Variants in RCCD1 observed in about 807,000 individuals in gnomAD.
RCCD1 encodes the protein RCC1 domain containing 1.
In RCCD1, 40 loss-of-function variants were observed where a neutral mutation model predicts 37.6. The observed-to-expected ratio is 1.06, with a 90% CI of 0.83 to 1.39. The LOEUF (loss-of-function observed/expected upper bound fraction) is 1.39. Among genes scored for constraint, RCCD1 ranks in the 40% most tolerant of loss-of-function variants. The pLI, the probability that RCCD1 is intolerant of heterozygous loss-of-function variation, is 0.00. For missense variants in RCCD1, 577 were observed against 517.3 expected, an observed-to-expected ratio of 1.12 and a Z score of -1.12; for synonymous variants, 263 against 230.0, an observed-to-expected ratio of 1.14 and a Z score of -1.30.
chr15:90,957,259 C>T lies in RCCD1; in HGVS notation c.313C>T (p.Leu105=). The change falls in exon 3 of 8, where the codon CTG becomes TTG. Residue 105 remains leucine (L), a synonymous_variant. Coordinates refer to ENST00000394258, the MANE Select transcript of RCCD1 (RefSeq NM_001017919.2). Reference sequence around the variant, plus strand: ...GCAGGTCTGGGCGGCCGAATCGGCGCTGCGTGGGGAGCCATTGTGGGCCCA... The same window carrying T: ...GCAGGTCTGGGCGGCCGAATCGGCGTTGCGTGGGGAGCCATTGTGGGCCCA... The part of the protein sequence containing the change: ...LLQVWAAESA[L]RGEPLWAQNV... 1 of 1,488,972 alleles carries T rather than the reference C, an allele frequency of 6.7e-7. No individual in the cohort carries two copies. 92.2% of individuals were successfully genotyped at this position (1,488,972 alleles called of 1,614,324 possible). A position where few individuals can be genotyped will look rare whatever the true frequency, so the allele number is the denominator to read the frequency against.
At chr15:90,959,759 G>T in intron 4 of RCCD1, 141 bp from the exon 5 acceptor site, 1 of 580,564 alleles carries the variant, frequency 1.7e-6, no homozygotes, top group East Asian at 2.8e-5. Context: ...TGGGGCCCGA[G>T]GGGAAGCGCC....
intron 4 of RCCD1, among the ~76,000 whole-genome samples, chr15:90,959,234 G>GGTTTTATGACACACAAAT (rs2037266102): frequency 6.6e-6 from 1 of 152,204 alleles, no homozygotes; most frequent in South Asian, 2.1e-4. Context: ...GGGCTATTGT[G>GGTTTTATGACACACAAAT]AGAATTAAGT....
rs1252079454 is a variant in RCCD1, at chr15:90,957,297, C to T, written c.351C>T (p.Pro117=). The T allele has an allele frequency of 1.3e-6, 2 of 1,530,832 alleles. No individual in the cohort carries two copies. The highest frequency in any genetic ancestry group is 2.0e-5 in the Admixed American group (1 of 49,122). The allele number at this position is 1,530,832 out of a possible 1,614,324, so 94.8% of individuals were successfully genotyped here. A position where few individuals can be genotyped will look rare whatever the true frequency, so the allele number is the denominator to read the frequency against. ...CATTGTGGGCCCAGAATGTGGTGCCCGAGGCCGAAGGGGAAGACGATCCGG... is the reference window on the plus strand; with the variant it reads ...CATTGTGGGCCCAGAATGTGGTGCCTGAGGCCGAAGGGGAAGACGATCCGG... ...GEPLWAQNVV[P]EAEGEDDPAG... The change falls in exon 3 of 8, where the codon CCC becomes CCT. Residue 117 remains proline, a synonymous_variant. Coordinates refer to ENST00000394258, the MANE Select transcript of RCCD1 (RefSeq NM_001017919.2).
chr15:90,959,889 ATCTCTTT>A lies in RCCD1; in HGVS notation c.680-10_680-4del, dbSNP rs2037278765. 1.3e-6 allele frequency: 2 copies of A among 1,593,172 alleles called. No homozygotes were observed. Among genetic ancestry groups the A allele is most frequent in the African/African-American group, 1.3e-5 (1 of 74,388 alleles). On this transcript the variant is annotated splice_polypyrimidine_tract_variant and splice_region_variant and intron_variant, in intron 4 of 7. Transcript: ENST00000394258. ...ACAGTCTGTTTCATGTGTCCCCTTGATCTCTTTCAGAGACTGGGGATATTTATATCTG... is the reference window on the plus strand; with the variant it reads ...ACAGTCTGTTTCATGTGTCCCCTTGACAGAGACTGGGGATATTTATATCTG...
intron 7 of RCCD1, chr15:90,961,317 A>T (rs1457515163): frequency 5.1e-6 from 3 of 585,258 alleles, no homozygotes; most frequent in African/African-American, 3.7e-5. Context: ...TCCAACCAGC[A>T]CTTACAAAGC....
chr15:90,960,064 T>C, intron 5 of RCCD1, 66 bp downstream of exon 5: 1 of 1,324,236 alleles, frequency 7.6e-7, no homozygotes, highest in East Asian at 2.3e-5. Flanking sequence ...AACTCCTGGC[T>C]GTATGCTGGC....
chr15:90,958,645 A>AG (rs2037252144), intron 4 of RCCD1, among the ~76,000 whole-genome samples: 3 of 150,788 alleles, frequency 2.0e-5, no homozygotes, highest in Admixed American at 1.3e-4. Flanking sequence ...AAAAAAAAAA[A>AG]AAAAGAAAAG....
chr15:90,956,597 T>G lies in RCCD1; in HGVS notation c.-123-15T>G. On this transcript the variant is annotated splice_polypyrimidine_tract_variant and intron_variant, in intron 1 of 7. Transcript: ENST00000394258. ...CCTTTGTGGTCGGGAGAATGATAGT[T>G]TCTCCATTTTACAGATAAGGCAGCT... The G allele has an allele frequency of 3.6e-6, 3 of 823,026 alleles. No individual in the cohort carries two copies. Among genetic ancestry groups the G allele is most frequent in the Non-Finnish European group, 3.2e-6 (2 of 615,822 alleles). 51.0% of individuals were successfully genotyped at this position (823,026 alleles called of 1,614,324 possible). A position where few individuals can be genotyped will look rare whatever the true frequency, so the allele number is the denominator to read the frequency against.
Position 90,963,088 on chromosome 15 carries a change from G to A in RCCD1, c.*1319G>A, listed in dbSNP as rs2037345891. ...AAAATATACTGAACATAAAATTTAT[G>A]TTCAATAAAAAACAAAAATTGTTTT... is the stretch of plus-strand genomic sequence containing the variant. On this transcript the variant is annotated 3_prime_UTR_variant, in exon 8 of 8. Coordinates refer to ENST00000394258, the MANE Select transcript of RCCD1 (RefSeq NM_001017919.2). 1 of 152,076 alleles carries A rather than the reference G, an allele frequency of 6.6e-6. No individual in the cohort carries two copies. The highest frequency in any genetic ancestry group is 1.5e-5 in the Non-Finnish European group (1 of 68,016). The allele number at this position is 152,076 out of a possible 1,614,324, so 9.4% of individuals were successfully genotyped here. A position where few individuals can be genotyped will look rare whatever the true frequency, so the allele number is the denominator to read the frequency against.
At chr15:90,960,661 C>G (rs1340131362) in intron 6 of RCCD1, 163 bp downstream of exon 6, 1 of 675,440 alleles carries the variant, frequency 1.5e-6, no homozygotes, top group Non-Finnish European at 2.5e-6. Flanking sequence ...ACAGTAGTTC[C>G]CCAGCCTGTC....
Position 90,957,468 on chromosome 15 carries a change from C to A in RCCD1, c.522C>A (p.Asp174Glu). Reference protein sequence around the residue: ...ELGAEHALLLDAAGQVFSWGG... With the variant: ...ELGAEHALLLEAAGQVFSWGG... ...GCGCCGAGCACGCGTTGCTGCTGGA[C>A]GCTGCTGGCCAGGTGTTCTCCTGGG... The change falls in exon 3 of 8, where the codon GAC (aspartate) becomes GAA (glutamate). Residue 174 changes from aspartate (D) to glutamate (E), a missense_variant. Asp to Glu is a conservative substitution (Grantham distance 45, BLOSUM62 2). Coordinates refer to ENST00000394258, the MANE Select transcript of RCCD1 (RefSeq NM_001017919.2). 6.5e-7 allele frequency: 1 copy of A among 1,543,438 alleles called. No homozygotes were observed. Among genetic ancestry groups the A allele is most frequent in the Non-Finnish European group, 8.7e-7 (1 of 1,147,834 alleles).
intron 2 of RCCD1, 87 bp downstream of exon 2, chr15:90,956,987 C>A: frequency 7.8e-7 from 1 of 1,286,064 alleles, no homozygotes; most frequent in Non-Finnish European, 9.8e-7. Context: ...CAGTTTGTCT[C>A]CCCCGTTCAG....
At chr15:90,960,844 C>T in intron 6 of RCCD1, 181 bp from the exon 7 acceptor site, 2 of 698,676 alleles carry the variant, frequency 2.9e-6, no homozygotes, top group Non-Finnish European at 5.1e-6. Flanking sequence ...CCACTTTTTC[C>T]CTCGGGATCC....
chr15:90,957,135 G>A lies in RCCD1; in HGVS notation c.189G>A (p.Ser63=). 1 of 1,356,726 alleles carries A rather than the reference G, an allele frequency of 7.4e-7. No homozygotes were observed. Among genetic ancestry groups the A allele is most frequent in the Non-Finnish European group, 9.4e-7 (1 of 1,060,744 alleles). The allele number at this position is 1,356,726 out of a possible 1,614,324, so 84.0% of individuals were successfully genotyped here. The change falls in exon 3 of 8, where the codon TCG becomes TCA. Residue 63 remains serine, a synonymous_variant. Transcript: ENST00000394258. ...CAGGTGGAGGCCGCTTGGAGCTGTCGGGCTCAGCCAGCGGCGCGGCGGGCC... is the reference window on the plus strand; with the variant it reads ...CAGGTGGAGGCCGCTTGGAGCTGTCAGGCTCAGCCAGCGGCGCGGCGGGCC... ...FVTRGGRLEL[S]GSASGAAGRC... is the part of the protein sequence containing the mutation.
chr15:90,960,575 C>A (rs1472680707), intron 6 of RCCD1, 77 bp downstream of exon 6: 1 of 1,411,938 alleles, frequency 7.1e-7, no homozygotes, highest in Non-Finnish European at 9.6e-7. Context: ...GGAAAAACTT[C>A]TGTCTTAAGG....
At chr15:90,958,693 T>C (rs2037253651) in intron 4 of RCCD1, among the ~76,000 whole-genome samples, 1 of 146,750 alleles carries the variant, frequency 6.8e-6, no homozygotes, top group African/African-American at 2.5e-5. Flanking sequence ...TCTCATGGAA[T>C]GGGCCTGGGC....
intron 1 of RCCD1, 36 bp downstream of exon 1, chr15:90,954,984 C>G (rs752201344): frequency 1.3e-5 from 2 of 152,324 alleles, no homozygotes; most frequent in African/African-American, 2.4e-5. Flanking sequence ...GGGCGTCACT[C>G]CTCGCCAAAC....
rs571807095 is a variant in RCCD1 at position 90,960,823 on chromosome 15, A to G, written c.950-202A>G. The G allele has an allele frequency of 8.5e-5, 57 of 672,396 alleles. No individual in the cohort carries two copies. In the East Asian group the frequency reaches 1.4e-3, roughly 17 times the overall value. 41.7% of individuals were successfully genotyped at this position (672,396 alleles called of 1,614,324 possible). A position where few individuals can be genotyped will look rare whatever the true frequency, so the allele number is the denominator to read the frequency against. ...TGCGGCGCTCGGTAGCATGGCACAC[A>G]GGAAGATCCGCCACTTTTTCCCTCG... On this transcript the variant is annotated intron_variant, in intron 6 of 7. Coordinates refer to ENST00000394258, the MANE Select transcript of RCCD1 (RefSeq NM_001017919.2).
rs1289186368 is a variant in RCCD1, at chr15:90,957,411, T to A, written c.465T>A (p.Ala155=). Reference sequence around the variant, plus strand: ...GGGCGCCCTTCTACCGGCCTCTGGCTCCGGAGCTGCGGGCACGCCAGCTGG... The same window carrying A: ...GGGCGCCCTTCTACCGGCCTCTGGCACCGGAGCTGCGGGCACGCCAGCTGG... ...SPRAPFYRPL[A]PELRARQLEL... is the part of the protein sequence containing the mutation. The change falls in exon 3 of 8, where the codon GCT becomes GCA. Residue 155 remains alanine, a synonymous_variant. Coordinates refer to ENST00000394258, the MANE Select transcript of RCCD1 (RefSeq NM_001017919.2). The A allele has an allele frequency of 6.5e-7, 1 of 1,540,948 alleles. No individual in the cohort carries two copies. The highest frequency in any genetic ancestry group is 1.2e-5 in the South Asian group (1 of 84,032).
Sources: allele counts gnomAD v4.1 joint callset (sites outside exome capture counted in the v4.1 genomes callset), GRCh38; gene constraint gnomAD v4.1.1; transcripts MANE v1.5; gene names NCBI Gene and HGNC (gene_info 2026-07-23, HGNC 2026-07-21).